The following PDE4DIP variants were observed in gnomAD, a reference collection of about 807,000 sequenced individuals.
PDE4DIP encodes phosphodiesterase 4D interacting protein.
Under a neutral mutation model 221.4 loss-of-function variants are expected in PDE4DIP, and 59 were observed. The observed-to-expected ratio is 0.27, with a 90% CI of 0.22 to 0.33. The LOEUF (loss-of-function observed/expected upper bound fraction) is 0.33, where lower values mean the gene tolerates loss of function less well. Among genes scored for constraint, PDE4DIP ranks in the 10% least tolerant of loss-of-function variants. PDE4DIP has a pLI of 1.00. For missense variants in PDE4DIP, 1,036 were observed against 2,154.2 expected (o/e 0.48, Z 10.28); for synonymous variants, 404 against 815.9 (o/e 0.50, Z 8.60).
chr1:149,021,501 A>G (rs1485311024), intron 37 of PDE4DIP: 1 of 172,550 alleles, frequency 5.8e-6, no homozygotes, highest in Non-Finnish European at 1.2e-5. Flanking sequence ...CTGACAACCC[A>G]TTCAGCCCAA....
intron 5 of PDE4DIP, among the ~76,000 whole-genome samples, chr1:148,938,669 T>C: frequency 6.6e-6 from 1 of 152,198 alleles, no homozygotes; most frequent in Non-Finnish European, 1.5e-5. Flanking sequence ...GCATATTCTC[T>C]GTTTGTATAT....
upstream of PDE4DIP, among the ~76,000 whole-genome samples, chr1:148,885,471 T>G: frequency 1.5e-5 from 2 of 136,452 alleles, no homozygotes; most frequent in African/African-American, 2.6e-5. Context: ...AGAGGGAGAG[T>G]GGTAGGAAGA....
intron 23 of PDE4DIP, among the ~76,000 whole-genome samples, chr1:148,998,631 A>G (rs587668081): frequency 6.7e-6 from 1 of 149,820 alleles, no homozygotes; most frequent in Admixed American, 6.6e-5. Flanking sequence ...TTACATGACC[A>G]GTATTGCTGT....
intron 1 of PDE4DIP, among the ~76,000 whole-genome samples, chr1:148,825,965 AT>A (rs146890997): frequency 2.2e-5 from 2 of 92,484 alleles, no homozygotes; most frequent in African/African-American, 4.2e-5. Flanking sequence ...TTCATTGCGG[AT>A]TTTTTTTGCG....
intron 23 of PDE4DIP, among the ~76,000 whole-genome samples, chr1:149,000,901 G>A (rs1698645): frequency 8.2e-5 from 12 of 146,706 alleles, no homozygotes; most frequent in Admixed American, 6.2e-4. Context: ...TGAGTTTGTT[G>A]TTGTGGAAAG....
intron 5 of PDE4DIP, chr1:148,953,723 GT>G: frequency 3.5e-6 from 5 of 1,423,312 alleles, no homozygotes; most frequent in Non-Finnish European, 4.9e-6. Flanking sequence ...TCCGATTCCA[GT>G]GAAATCCAGC....
rs1171664890 is a variant in PDE4DIP at position 148,898,936 on chromosome 1, A to G, written c.141+9042A>G. On this transcript the variant is annotated intron_variant, in intron 1 of 43. Transcript: ENST00000369354. Reference sequence around the variant, plus strand: ...AACCTCCGTCTCCTGGGCTCAAGCGATTCTCCTGCCTTAGCCTCCCAAGTA... The same window carrying G: ...AACCTCCGTCTCCTGGGCTCAAGCGGTTCTCCTGCCTTAGCCTCCCAAGTA... Among the ~76,000 whole-genome samples, 3 of 109,302 alleles carry G rather than the reference A, an allele frequency of 2.7e-5. 1 individual carries two copies. Among genetic ancestry groups the G allele is most frequent in the Non-Finnish European group, 5.3e-5 (3 of 57,000 alleles). The allele number at this position is 109,302 out of a possible 152,430, so 71.7% of individuals were successfully genotyped here.
intron 1 of PDE4DIP, among the ~76,000 whole-genome samples, chr1:148,820,951 A>G (rs1431059811): frequency 2.7e-5 from 4 of 149,670 alleles, no homozygotes; most frequent in African/African-American, 1.0e-4. Flanking sequence ...CCTGGGGTTC[A>G]CGCCATTGTC....
At chr1:148,929,369 C>T in intron 2 of PDE4DIP, 96 bp downstream of exon 5, 4 of 1,430,116 alleles carry the variant, frequency 2.8e-6, no homozygotes, top group Non-Finnish European at 2.9e-6. Context: ...CTATCTGTGG[C>T]ATTTGAATCC....
Position 148,965,000 on chromosome 1 carries a change from C to T in PDE4DIP, c.1195-484C>T, listed in dbSNP as rs111567308. Among the ~76,000 whole-genome samples, 451 of 149,862 alleles carry T rather than the reference C, an allele frequency of 3.0e-3. 6 individuals carry two copies. The highest frequency in any genetic ancestry group is 0.01 in the African/African-American group (424 of 40,754). On this transcript the variant is annotated intron_variant, in intron 9 of 43. Coordinates refer to ENST00000369354, the Ensembl canonical transcript of PDE4DIP. ...CTTTTTGTTATTTAGCTAAAGGAAA[C>T]ATTTCCCCAAGATTTGTTTAGTTGA...
At chr1:148,934,567 A>G (rs1427243338) in intron 4 of PDE4DIP, among the ~76,000 whole-genome samples, 1 of 152,160 alleles carries the variant, frequency 6.6e-6, no homozygotes, top group Non-Finnish European at 1.5e-5. Flanking sequence ...TCATCATTGC[A>G]GTTTACATTT....
At position 149,017,892 on chromosome 1, in the gene PDE4DIP, C is replaced by T. The variant is rs1553613563; in HGVS notation, c.5650+13C>T. The T allele has an allele frequency of 1.3e-6, 2 of 1,579,664 alleles. No individual in the cohort carries two copies. Among genetic ancestry groups the T allele is most frequent in the Non-Finnish European group, 1.7e-6 (2 of 1,155,866 alleles). ...GCTCGTGGAAGGGGTAGGAGAGGCC[C>T]AGACCTTCCTGTTTCTGGCTCTATT... On this transcript the variant is annotated intron_variant, in intron 34 of 43. Transcript: ENST00000369354.
rs2060449210 is a variant in PDE4DIP, at chr1:148,977,675, T to G, written c.2320-262T>G. On this transcript the variant is annotated intron_variant, in intron 17 of 43. Transcript: ENST00000369354. ...GCTAATGGTAACCATTCTTTTTCAG[T>G]ATCATAATAAGCTTGTTAAACAAAT... Among the ~76,000 whole-genome samples, 2 of 152,222 alleles carry G rather than the reference T, an allele frequency of 1.3e-5. 1 individual carries two copies. Among genetic ancestry groups the G allele is most frequent in the Middle Eastern group, 6.3e-3 (2 of 316 alleles).
intron 9 of PDE4DIP, among the ~76,000 whole-genome samples, chr1:148,963,598 C>A (rs1346080488): frequency 1.3e-5 from 2 of 151,004 alleles, no homozygotes; most frequent in African/African-American, 4.9e-5. Flanking sequence ...ATGGGTAAAA[C>A]CAGGCAGAAA....
intron 43 of PDE4DIP, among the ~76,000 whole-genome samples, chr1:149,031,559 C>T (rs2076734723): frequency 6.7e-6 from 1 of 150,084 alleles, no homozygotes; most frequent in Non-Finnish European, 1.5e-5. Context: ...TCCTCTTCTT[C>T]CTACAAACAG....
chr1:148,995,853 A>T (rs1422904714), intron 22 of PDE4DIP, among the ~76,000 whole-genome samples: 6 of 149,646 alleles, frequency 4.0e-5, no homozygotes, highest in Admixed American at 4.0e-4. Context: ...CCTAAAACTT[A>T]AAGTATAATA....
intron 1 of PDE4DIP, among the ~76,000 whole-genome samples, chr1:148,922,987 G>T: frequency 7.1e-6 from 1 of 141,232 alleles, no homozygotes; most frequent in African/African-American, 2.7e-5. Flanking sequence ...ACCCCGGCTG[G>T]AGTACAGTGG....
intron 1 of PDE4DIP, among the ~76,000 whole-genome samples, chr1:148,919,498 G>A (rs1410043432): frequency 2.0e-5 from 3 of 151,532 alleles, no homozygotes; most frequent in Non-Finnish European, 4.4e-5. Flanking sequence ...GCAATGACCA[G>A]TCCTTTGTCT....
intron 1 of PDE4DIP, among the ~76,000 whole-genome samples, chr1:148,844,224 G>C (rs1675798065): frequency 8.7e-6 from 1 of 114,326 alleles, no homozygotes; most frequent in Admixed American, 9.2e-5. Context: ...GGCGAGGGAC[G>C]GGGCTTGGTA....
Sources: allele counts gnomAD v4.1 joint callset (sites outside exome capture counted in the v4.1 genomes callset), GRCh38; gene constraint gnomAD v4.1.1; transcripts MANE v1.5; gene names NCBI Gene and HGNC (gene_info 2026-07-23, HGNC 2026-07-21).